The following WDPCP variants were observed in gnomAD, a reference collection of about 807,000 sequenced individuals.
The protein encoded by WDPCP is WD repeat-containing and planar cell polarity effector protein fritz homolog.
In WDPCP, 71 loss-of-function variants were observed where a neutral mutation model predicts 93.1. The observed-to-expected ratio is 0.76, with a 90% CI of 0.63 to 0.93. The LOEUF is 0.93. Among genes scored for constraint, WDPCP ranks in the 40% least tolerant of loss-of-function variants. The probability of loss-of-function intolerance (pLI) is 0.00; values close to 1 mark genes in which losing one functional copy is unlikely to be tolerated. For synonymous variants in WDPCP, 315 were observed against 315.0 expected (o/e 1.00, Z 0.00); for missense variants, 844 against 887.4 (o/e 0.95, Z 0.62).
At chr2:63,213,166 A>C (rs1676982921) in intron 14 of WDPCP, among the ~76,000 whole-genome samples, 1 of 152,232 alleles carries the variant, frequency 6.6e-6, no homozygotes. Context: ...GCAACAGAAT[A>C]TACATTCTTC....
At chr2:63,244,167 A>T (rs765828814) in intron 14 of WDPCP, among the ~76,000 whole-genome samples, 10 of 152,200 alleles carry the variant, frequency 6.6e-5, no homozygotes, top group Non-Finnish European at 1.5e-4. Context: ...TAATTTCTTG[A>T]AATTAATGAA....
chr2:63,199,828 G>A (rs1292517529), intron 14 of WDPCP, among the ~76,000 whole-genome samples: 2 of 152,184 alleles, frequency 1.3e-5, no homozygotes, highest in Admixed American at 1.3e-4. Flanking sequence ...CCCCAGAATG[G>A]TAGATACACG....
chr2:63,806,532 G>C (rs1011683058), intron 2 of WDPCP, among the ~76,000 whole-genome samples: 2 of 152,168 alleles, frequency 1.3e-5, no homozygotes, highest in African/African-American at 4.8e-5. Context: ...CAGGAGACAG[G>C]GTTTTGAGAT....
rs1314654338 is a variant in WDPCP at position 63,622,815 on chromosome 2, A to G, written n.488+27844T>C. On this transcript the variant is annotated intron_variant and non_coding_transcript_variant, in intron 3 of 4. Transcript: ENST00000467687. ...GGAACTCCGGAGCACGCTCTGGCCC[A>G]GGAAATACTTAACCATCGTCCTGGC... is the stretch of plus-strand genomic sequence containing the variant. The G allele has an allele frequency of 5.6e-6, 9 of 1,611,112 alleles. No individual in the cohort carries two copies. The East Asian group carries it at 1.8e-4, about 32-fold the overall frequency.
chr2:63,191,788 AT>A (rs1475776498), intron 14 of WDPCP, among the ~76,000 whole-genome samples: 2 of 152,182 alleles, frequency 1.3e-5, no homozygotes, highest in African/African-American at 4.8e-5. Flanking sequence ...TGGTTTTTAT[AT>A]TTTCAAATGG....
intron 1 of WDPCP, among the ~76,000 whole-genome samples, chr2:63,529,427 G>T (rs957868283): frequency 6.6e-6 from 1 of 152,096 alleles, no homozygotes; most frequent in South Asian, 2.1e-4. Context: ...AGCATGAAGC[G>T]CTGTTGAATT....
chr2:63,179,462 TAAAAG>T (rs970105195), intron 14 of WDPCP, among the ~76,000 whole-genome samples: 4 of 151,890 alleles, frequency 2.6e-5, no homozygotes, highest in Non-Finnish European at 4.4e-5. Context: ...TCTGGCTGTT[TAAAAG>T]TGTGTGGCAC....
intron 13 of WDPCP, among the ~76,000 whole-genome samples, chr2:63,285,861 A>C (rs1683958510): frequency 6.6e-6 from 1 of 152,250 alleles, no homozygotes; most frequent in African/African-American, 2.4e-5. Flanking sequence ...GTCAGTGGAT[A>C]TAAAGACTTA....
intron 14 of WDPCP, among the ~76,000 whole-genome samples, chr2:63,235,792 A>G (rs1413949531): frequency 6.6e-6 from 1 of 152,178 alleles, no homozygotes; most frequent in African/African-American, 2.4e-5. Flanking sequence ...GATAACATCC[A>G]ACATCCTTCT....
At chr2:63,527,978 G>A (rs1436107874) in intron 1 of WDPCP, among the ~76,000 whole-genome samples, 7 of 151,948 alleles carry the variant, frequency 4.6e-5, no homozygotes, top group Admixed American at 2.0e-4. Flanking sequence ...CAGTGACAAT[G>A]AGCATTTTTT....
chr2:63,616,029 G>A (rs2106633782), intron 3 of WDPCP, among the ~76,000 whole-genome samples: 1 of 152,302 alleles, frequency 6.6e-6, no homozygotes, highest in Middle Eastern at 3.4e-3. Context: ...TTTCAACAGA[G>A]AGATTAGTCT....
At chr2:63,805,362 A>G (rs954636620) in intron 2 of WDPCP, among the ~76,000 whole-genome samples, 1 of 152,192 alleles carries the variant, frequency 6.6e-6, no homozygotes, top group African/African-American at 2.4e-5. Context: ...CTGTTTGTGG[A>G]ATGAGGGTTA....
intron 12 of WDPCP, among the ~76,000 whole-genome samples, chr2:63,341,912 CTA>C (rs1688866675): frequency 6.6e-6 from 1 of 152,134 alleles, no homozygotes; most frequent in Non-Finnish European, 1.5e-5. Context: ...CACTTTGAAC[CTA>C]TTTGTGTCTT....
intron 14 of WDPCP, among the ~76,000 whole-genome samples, chr2:63,181,191 T>G (rs986544653): frequency 6.6e-6 from 1 of 152,166 alleles, no homozygotes; most frequent in Non-Finnish European, 1.5e-5. Context: ...CAGAAGCTCT[T>G]TAGTTGAATT....
chr2:63,780,708 T>C (rs1670374007), intron 2 of WDPCP, among the ~76,000 whole-genome samples: 1 of 152,156 alleles, frequency 6.6e-6, no homozygotes, highest in Non-Finnish European at 1.5e-5. Context: ...ACAACAGCAG[T>C]CTTCTCAGGA....
intron 2 of WDPCP, among the ~76,000 whole-genome samples, chr2:63,698,058 T>C (rs1277988105): frequency 1.3e-5 from 2 of 151,998 alleles, no homozygotes; most frequent in Non-Finnish European, 2.9e-5. Flanking sequence ...TGGGTTCAAG[T>C]GATTCTCGTG....
chr2:63,309,790 TAAAAC>T (rs1403701756), intron 13 of WDPCP, among the ~76,000 whole-genome samples: 13 of 151,210 alleles, frequency 8.6e-5, no homozygotes, highest in African/African-American at 2.9e-4. Flanking sequence ...ATAACAGAAT[TAAAAC>T]AAAAAAAAAC....
rs1228272776 is a variant in WDPCP at position 63,599,333 on chromosome 2, T to C, written n.488+51326A>G. On this transcript the variant is annotated intron_variant and non_coding_transcript_variant, in intron 3 of 4. Transcript: ENST00000467687. ...TTTAAATCTTGTGGTTGTTCAACTT[T>C]AAAACATTTTTCTCTCACTTTTAAA... The C allele has an allele frequency of 1.0e-5, 16 of 1,578,510 alleles. No homozygotes were observed. The East Asian group carries it at 3.7e-4, about 36-fold the overall frequency.
intron 13 of WDPCP, among the ~76,000 whole-genome samples, chr2:63,301,870 C>G (rs568181271): frequency 2.6e-4 from 40 of 151,808 alleles, no homozygotes; most frequent in African/African-American, 8.0e-4. Flanking sequence ...TTCTGAAGCA[C>G]TGGGACTTCT....
Sources: gnomAD v4.1 joint callset for allele counts (sites outside exome capture counted in the v4.1 genomes callset) on GRCh38, gnomAD v4.1.1 for gene constraint, MANE v1.5 for transcripts, NCBI Gene and HGNC (gene_info 2026-07-23, HGNC 2026-07-21) for gene names.